DLG2: variants seen among roughly 807,000 people sequenced by gnomAD.
DLG2 encodes the protein discs large MAGUK scaffold protein 2.
Under a neutral mutation model 132.5 loss-of-function variants are expected in DLG2, and 45 were observed. That is an observed-to-expected ratio of 0.34 (90% CI 0.27 to 0.44). The LOEUF is 0.44. DLG2 is among the 20% of genes least tolerant of loss of function. The pLI is 1.00. For synonymous variants in DLG2, 424 were observed against 419.6 expected (o/e 1.01, Z -0.13); for missense variants, 1,045 against 1,196.9 (o/e 0.87, Z 1.87).
intron 3 of DLG2, among the ~76,000 whole-genome samples, chr11:85,459,611 G>C (rs1468935722): frequency 2.6e-5 from 4 of 152,108 alleles, no homozygotes; most frequent in Non-Finnish European, 5.9e-5. Flanking sequence ...AGGGGTGGGA[G>C]CTCCCAGGGA....
At chr11:83,987,134 TA>T (rs759112540) in intron 11 of DLG2, among the ~76,000 whole-genome samples, 30 of 151,720 alleles carry the variant, frequency 2.0e-4, no homozygotes, top group Non-Finnish European at 4.0e-4. Context: ...AAGTGCAACT[TA>T]CAAGGGACAC....
At chr11:84,305,168 T>C (rs1004250423) in intron 7 of DLG2, among the ~76,000 whole-genome samples, 1 of 152,188 alleles carries the variant, frequency 6.6e-6, no homozygotes, top group Non-Finnish European at 1.5e-5. Flanking sequence ...AGATAAGTCT[T>C]GGCACAAAAA....
intron 6 of DLG2, among the ~76,000 whole-genome samples, chr11:84,714,193 T>A (rs1166106197): frequency 7.0e-6 from 1 of 143,314 alleles, no homozygotes; most frequent in Non-Finnish European, 1.5e-5. Flanking sequence ...AAAAAACATA[T>A]ACCAAAATGG....
chr11:84,998,651 G>T (rs947285376), intron 6 of DLG2, among the ~76,000 whole-genome samples: 3 of 152,082 alleles, frequency 2.0e-5, no homozygotes, highest in Non-Finnish European at 2.9e-5. Flanking sequence ...ATCTGAGCAG[G>T]TACGTAAAGT....
rs191220948 is a variant in DLG2 at position 84,841,766 on chromosome 11, C to T, written c.357+269895G>A. ...TGCATATATCATTTTTATTATTTTT[C>T]ACTTCACACTATAGCATAAATACAA... On this transcript the variant is annotated intron_variant, in intron 6 of 27. Transcript: ENST00000376104. Among the ~76,000 whole-genome samples, 38 of 151,900 alleles carry T rather than the reference C, an allele frequency of 2.5e-4. No individual in the cohort carries two copies. In the East Asian group the frequency reaches 7.0e-3, roughly 28 times the overall value.
chr11:84,954,350 T>TAAAAAAA (rs11366441), intron 6 of DLG2, among the ~76,000 whole-genome samples: 2 of 113,850 alleles, frequency 1.8e-5, no homozygotes, highest in Non-Finnish European at 1.9e-5. Context: ...TCTTAAAGGA[T>TAAAAAAA]AAAAAAAAAA....
intron 8 of DLG2, among the ~76,000 whole-genome samples, chr11:84,243,618 C>A (rs572722552): frequency 2.0e-5 from 3 of 152,248 alleles, no homozygotes; most frequent in Non-Finnish European, 4.4e-5. Flanking sequence ...TTTAGTAGGT[C>A]TTTGGTGGAA....
chr11:84,280,942 C>T (rs911300588), intron 7 of DLG2, among the ~76,000 whole-genome samples: 1 of 134,540 alleles, frequency 7.4e-6, no homozygotes, highest in Non-Finnish European at 1.5e-5. Flanking sequence ...AGGATGGTCT[C>T]GATTTCCTGA....
At chr11:84,285,493 C>T (rs2097900898) in intron 7 of DLG2, among the ~76,000 whole-genome samples, 1 of 152,188 alleles carries the variant, frequency 6.6e-6, no homozygotes, top group Non-Finnish European at 1.5e-5. Flanking sequence ...TGCCTCAAAT[C>T]TTCTCCCACC....
intron 7 of DLG2, among the ~76,000 whole-genome samples, chr11:84,276,592 A>G (rs10792749): frequency 0.65 from 99,074 of 152,078 alleles, 32,672 homozygotes; most frequent in Middle Eastern, 0.75. Flanking sequence ...CAAGTGGAGC[A>G]TATGTATTTT....
intron 19 of DLG2, among the ~76,000 whole-genome samples, chr11:83,613,877 C>T (rs771259847): frequency 6.6e-6 from 1 of 152,202 alleles, no homozygotes; most frequent in Non-Finnish European, 1.5e-5. Flanking sequence ...TGGGGACCCA[C>T]TCCCAGAGAT....
intron 6 of DLG2, among the ~76,000 whole-genome samples, chr11:84,861,635 A>AAAC (rs1566183082): frequency 1.9e-4 from 13 of 67,224 alleles, no homozygotes; most frequent in African/African-American, 7.0e-4. Context: ...AAAAAAAAAA[A>AAAC]AAAACAAAAA....
At chr11:85,387,972 A>G (rs1031943152) in intron 3 of DLG2, among the ~76,000 whole-genome samples, 8 of 152,216 alleles carry the variant, frequency 5.3e-5, no homozygotes, top group Non-Finnish European at 1.0e-4. Flanking sequence ...GTGGAATGCC[A>G]CTGCAGAATC....
At chr11:83,695,383 G>A (rs11827183) in intron 18 of DLG2, among the ~76,000 whole-genome samples, 1 of 152,198 alleles carries the variant, frequency 6.6e-6, no homozygotes, top group East Asian at 1.9e-4. Context: ...GAGGTGCTTA[G>A]CGATCACCTC....
In DLG2 at chr11:85,091,066, T is replaced by C. The variant is rs565684246; in HGVS notation, c.357+20595A>G. Among the ~76,000 whole-genome samples the C allele has an allele frequency of 8.5e-5, 13 of 152,326 alleles. No individual in the cohort carries two copies. In the South Asian group the frequency reaches 2.5e-3, roughly 29 times the overall value. On this transcript the variant is annotated intron_variant, in intron 6 of 27. Coordinates refer to ENST00000376104, the MANE Select transcript of DLG2 (RefSeq NM_001142699.3). ...AACTCACTCATTACAGAGAGGACTA[T>C]GCCAAGCCACTCATGATAGATTTGC...
chr11:85,343,487 CT>C (rs1210550885), intron 3 of DLG2, among the ~76,000 whole-genome samples: 1 of 152,006 alleles, frequency 6.6e-6, no homozygotes, highest in East Asian at 1.9e-4. Flanking sequence ...GTTTTAGTGT[CT>C]TTTTTTAATT....
intron 6 of DLG2, among the ~76,000 whole-genome samples, chr11:84,817,224 T>C (rs2077175167): frequency 6.6e-6 from 1 of 152,010 alleles, no homozygotes; most frequent in South Asian, 2.1e-4. Flanking sequence ...AGTTGAACTG[T>C]TTGAGTGGCT....
At chr11:84,107,537 T>C (rs767886175) in intron 9 of DLG2, among the ~76,000 whole-genome samples, 1 of 152,104 alleles carries the variant, frequency 6.6e-6, no homozygotes, top group Non-Finnish European at 1.5e-5. Context: ...TATGCATGTA[T>C]ACACATGCAC....
intron 7 of DLG2, among the ~76,000 whole-genome samples, chr11:84,503,655 G>A (rs1029096157): frequency 6.6e-6 from 1 of 152,138 alleles, no homozygotes; most frequent in African/African-American, 2.4e-5. Flanking sequence ...TCCAGCTCCA[G>A]GGCTAGATTG....
Sources: gnomAD v4.1 joint callset for allele counts (sites outside exome capture counted in the v4.1 genomes callset) on GRCh38, gnomAD v4.1.1 for gene constraint, MANE v1.5 for transcripts, NCBI Gene and HGNC (gene_info 2026-07-23, HGNC 2026-07-21) for gene names.